The following USP32 variants were observed in gnomAD, a reference collection of about 807,000 sequenced individuals.
USP32 encodes the protein ubiquitin specific peptidase 32.
A neutral mutation model predicts 204.8 loss-of-function variants in USP32; 59 were observed. That is an observed-to-expected ratio of 0.29 (90% CI 0.23 to 0.36). The LOEUF is 0.36. Among genes scored for constraint, USP32 ranks in the 10% least tolerant of loss-of-function variants. The pLI is 1.00. For missense variants in USP32, 1,160 were observed against 1,946.4 expected (o/e 0.60, Z 7.60); for synonymous variants, 517 against 678.4 (o/e 0.76, Z 3.70).
intron 9 of USP32, among the ~76,000 whole-genome samples, chr17:60,264,386 T>C (rs1289712022): frequency 6.7e-6 from 1 of 149,250 alleles, no homozygotes; most frequent in East Asian, 2.0e-4. Context: ...GGCATGGTGG[T>C]GCACACCTAT....
At chr17:60,340,172 T>C (rs1244254183) in intron 2 of USP32, among the ~76,000 whole-genome samples, 1 of 152,162 alleles carries the variant, frequency 6.6e-6, no homozygotes, top group Non-Finnish European at 1.5e-5. Flanking sequence ...TTGCAACTAA[T>C]TACCTTGTTT....
At chr17:60,379,142 A>G (rs550952251) in intron 1 of USP32, among the ~76,000 whole-genome samples, 1 of 152,296 alleles carries the variant, frequency 6.6e-6, no homozygotes, top group East Asian at 1.9e-4. Flanking sequence ...ATAATTTAGT[A>G]CAATTTTTTG....
intron 1 of USP32, among the ~76,000 whole-genome samples, chr17:60,354,048 G>A (rs575713678): frequency 1.1e-4 from 16 of 152,276 alleles, no homozygotes; most frequent in Admixed American, 4.6e-4. Flanking sequence ...TCACATGCAT[G>A]TGTGAAATGC....
intron 1 of USP32, among the ~76,000 whole-genome samples, chr17:60,367,755 C>T (rs1475104809): frequency 6.6e-6 from 1 of 152,200 alleles, no homozygotes; most frequent in Admixed American, 6.5e-5. Context: ...TTGCAGTGAA[C>T]TGACATGGCC....
At chr17:60,264,515 C>CA (rs1328228196) in intron 9 of USP32, among the ~76,000 whole-genome samples, 5 of 141,512 alleles carry the variant, frequency 3.5e-5, no homozygotes, top group Non-Finnish European at 6.2e-5. Flanking sequence ...ATCCTGTCTC[C>CA]AAAAAAACAA....
intron 1 of USP32, among the ~76,000 whole-genome samples, chr17:60,372,725 T>A (rs2089464456): frequency 6.7e-6 from 1 of 148,758 alleles, no homozygotes; most frequent in African/African-American, 2.5e-5. Flanking sequence ...GGCATGTGCC[T>A]CCAAGCTACT....
At chr17:60,329,879 C>T (rs1412837229) in intron 2 of USP32, among the ~76,000 whole-genome samples, 6 of 152,190 alleles carry the variant, frequency 3.9e-5, no homozygotes, top group Non-Finnish European at 7.3e-5. Flanking sequence ...CATACCTTGT[C>T]TATTTAGGTC....
rs994736206 is a variant in USP32, at chr17:60,403,461, C to T, written c.106+18785G>A. On this transcript the variant is annotated intron_variant, in intron 1 of 3. Transcript: ENST00000588898. ...ATGTTGTCATGCCACAGTCTGCCCT[C>T]GGGTTACAATTCAGATTCCTCCCAT... 4.6e-5 allele frequency among the ~76,000 whole-genome samples: 7 copies of T among 152,118 alleles called. No individual in the cohort carries two copies. In the South Asian group the frequency reaches 8.3e-4, roughly 18 times the overall value.
intron 7 of USP32, among the ~76,000 whole-genome samples, chr17:60,268,074 G>A (rs1376511056): frequency 1.3e-5 from 2 of 152,184 alleles, no homozygotes; most frequent in South Asian, 2.1e-4. Context: ...GCCTCCCAAA[G>A]TGTTGGGATT....
intron 27 of USP32, 102 bp from the exon 28 acceptor site, chr17:60,193,032 C>T (rs2084425894): frequency 8.2e-7 from 1 of 1,219,436 alleles, no homozygotes; most frequent in Admixed American, 2.0e-5. Flanking sequence ...GGGCATTTGC[C>T]ATAGCAGTAC....
intron 1 of USP32, among the ~76,000 whole-genome samples, chr17:60,410,798 C>A: frequency 6.6e-6 from 1 of 151,768 alleles, no homozygotes; most frequent in Non-Finnish European, 1.5e-5. Context: ...TAGAAACTGT[C>A]GGCTGGGTGC....
At chr17:60,306,785 C>G (rs2087735007) in intron 2 of USP32, among the ~76,000 whole-genome samples, 1 of 152,018 alleles carries the variant, frequency 6.6e-6, no homozygotes, top group Non-Finnish European at 1.5e-5. Context: ...TTAGAAAAAC[C>G]TAAAGATTCC....
intron 4 of USP32, among the ~76,000 whole-genome samples, chr17:60,291,041 A>C (rs1453515319): frequency 3.3e-5 from 5 of 152,196 alleles, no homozygotes; most frequent in African/African-American, 4.8e-5. Flanking sequence ...AACACTCTCT[A>C]CAGAAGACAC....
intron 1 of USP32, among the ~76,000 whole-genome samples, chr17:60,374,417 C>CA (rs2089501977): frequency 6.7e-6 from 1 of 148,420 alleles, no homozygotes; most frequent in Non-Finnish European, 1.5e-5. Flanking sequence ...TTTTTTGAGA[C>CA]AGAGTCTTAC....
At position 60,291,537 on chromosome 17, in the gene USP32, ATGTGTGTG is replaced by A. The variant is rs58874239; in HGVS notation, c.412-2863_412-2856del. ...AAAGTGCTTCTCTCTCTGTGTGTGT[ATGTGTGTG>A]TGTGTGTGTGTGTGTGTGTGTGTGT... On this transcript the variant is annotated intron_variant, in intron 4 of 33. Coordinates refer to ENST00000300896, the MANE Select transcript of USP32 (RefSeq NM_032582.4). 8.9e-3 allele frequency among the ~76,000 whole-genome samples: 1,291 copies of A among 145,328 alleles called. 19 individuals are homozygous for A. Among genetic ancestry groups the A allele is most frequent in the African/African-American group, 0.029 (1,155 of 40,162 alleles).
intron 1 of USP32, among the ~76,000 whole-genome samples, chr17:60,411,363 T>TAAATAAATAAC (rs1567900583): frequency 8.2e-6 from 1 of 121,920 alleles, no homozygotes; most frequent in Non-Finnish European, 1.6e-5. Context: ...AAATAAATAA[T>TAAATAAATAAC]TAGCCAGCCA....
chr17:60,298,268 T>C (rs1269691522), intron 3 of USP32, among the ~76,000 whole-genome samples: 2 of 152,174 alleles, frequency 1.3e-5, no homozygotes, highest in South Asian at 2.1e-4. Flanking sequence ...TCAGCATAAA[T>C]CTCTGTTCTA....
chr17:60,207,989 T>C (rs1389808622), intron 24 of USP32, 70 bp downstream of exon 24: 2 of 1,493,028 alleles, frequency 1.3e-6, no homozygotes, highest in Non-Finnish European at 1.8e-6. Context: ...TAACAATTGA[T>C]CATAATAATT....
intron 7 of USP32, 26 bp from the exon 8 acceptor site, chr17:60,266,117 GA>G: frequency 1.3e-6 from 2 of 1,565,648 alleles, no homozygotes; most frequent in African/African-American, 1.4e-5. Flanking sequence ...TCTTATGGAG[GA>G]AAATCATTTT....
Sources: allele counts gnomAD v4.1 joint callset (sites outside exome capture counted in the v4.1 genomes callset), GRCh38; gene constraint gnomAD v4.1.1; transcripts MANE v1.5; gene names NCBI Gene and HGNC (gene_info 2026-07-23, HGNC 2026-07-21).